The following RGS22 variants were observed in gnomAD, a reference collection of about 807,000 sequenced individuals.
RGS22 encodes the protein regulator of G-protein signaling 22.
Under a neutral mutation model 172.9 loss-of-function variants are expected in RGS22, and 148 were observed. The ratio of observed to expected loss-of-function variants is 0.86; its 90% CI spans 0.75 to 0.98. The LOEUF is 0.98. RGS22 is among the 50% of genes least tolerant of loss of function. RGS22 has a pLI of 0.00. For missense variants in RGS22, 1,347 were observed against 1,440.8 expected (o/e 0.93, Z 1.05); for synonymous variants, 458 against 480.2 (o/e 0.95, Z 0.60).
chr8:100,087,752 A>G (rs1163640400), intron 3 of RGS22, among the ~76,000 whole-genome samples: 1 of 152,194 alleles, frequency 6.6e-6, no homozygotes, highest in Non-Finnish European at 1.5e-5. Context: ...GAATGTAACA[A>G]GTCAGTTACC....
At chr8:100,057,761 C>G (rs375151876) in intron 9 of RGS22, among the ~76,000 whole-genome samples, 1 of 152,112 alleles carries the variant, frequency 6.6e-6, no homozygotes, top group Non-Finnish European at 1.5e-5. Flanking sequence ...TCAGGCATGT[C>G]TTTATTAGTA....
chr8:99,990,464 G>A (rs1813599846), intron 20 of RGS22, among the ~76,000 whole-genome samples: 1 of 152,012 alleles, frequency 6.6e-6, no homozygotes, highest in African/African-American at 2.4e-5. Context: ...CCGTGGGATG[G>A]ACAAGAACCC....
chr8:99,971,078 C>G (rs762254038), intron 23 of RGS22, among the ~76,000 whole-genome samples: 10 of 152,142 alleles, frequency 6.6e-5, no homozygotes, highest in African/African-American at 1.9e-4. Context: ...TCAACATATG[C>G]AAATCAATAA....
chr8:99,977,973 C>A lies in RGS22; in HGVS notation c.3463G>T (p.Glu1155Ter), dbSNP rs1266542309. ...AATTTTTTTTTCTGCTTATTATATT[C>A]TTGTCTTCTCTCTAAAACACTCATA... ...NIMSVLERRQ[E>*]YNKQKKKLAV... The change falls in exon 23 of 28, where the codon GAA (glutamate) becomes TAA (stop). Residue 1155 changes from glutamate to a stop codon, truncating the protein, a stop_gained. Transcript: ENST00000360863. LOFTEE classifies it high-confidence loss of function. 1.3e-6 allele frequency: 2 copies of A among 1,556,998 alleles called. No individual in the cohort carries two copies. Among genetic ancestry groups the A allele is most frequent in the Non-Finnish European group, 8.6e-7 (1 of 1,160,142 alleles).
Position 99,977,949 on chromosome 8 carries a change from A to T in RGS22, c.3487T>A (p.Leu1163Met), listed in dbSNP as rs7841915. Residue 1163 changes from leucine to methionine, a missense_variant, in exon 23 of 28, where the codon TTG (leucine) becomes ATG (methionine). Transcript: ENST00000360863. ...GATTTTTCGTCTTCTAGGACTGCCA[A>T]TTTTTTTTTCTGCTTATTATATTCT... The part of the protein sequence containing the change: ...RQEYNKQKKK[L>M]AVLEDEKSGK... 1.5e-5 allele frequency: 23 copies of T among 1,548,782 alleles called. No individual in the cohort carries two copies. The highest frequency in any genetic ancestry group is 1.7e-4 in the Middle Eastern group (1 of 5,896).
intron 14 of RGS22, among the ~76,000 whole-genome samples, chr8:100,024,979 A>C (rs945805492): frequency 5.3e-5 from 8 of 151,060 alleles, no homozygotes; most frequent in Admixed American, 4.0e-4. Flanking sequence ...GCCTTTCTGG[A>C]AACAAGAGGA....
chr8:100,039,673 G>A (rs937552117), intron 13 of RGS22, among the ~76,000 whole-genome samples: 1 of 151,958 alleles, frequency 6.6e-6, no homozygotes, highest in African/African-American at 2.4e-5. Context: ...ACCGCGCCTG[G>A]CCAATACTTT....
intron 14 of RGS22, among the ~76,000 whole-genome samples, chr8:100,010,824 T>A (rs1329304688): frequency 1.3e-5 from 2 of 150,930 alleles, no homozygotes; most frequent in African/African-American, 2.4e-5. Context: ...TTTTTTTTTT[T>A]AAAGAGATGG....
chr8:99,981,983 A>G lies in RGS22; in HGVS notation c.3314T>C (p.Ile1105Thr). The change falls in exon 22 of 28, where the codon ATT becomes ACT. Residue 1105 changes from isoleucine (I) to threonine (T), a missense_variant. Transcript: ENST00000360863. ...DIPVEQAQKI[I>T]EHRKELGPYV... ...TGGTCCTAACTCCTTCCGGTGTTCAATAATCTTCTGGGCTTGCTCTACTGG... is the reference window on the plus strand; with the variant it reads ...TGGTCCTAACTCCTTCCGGTGTTCAGTAATCTTCTGGGCTTGCTCTACTGG... The G allele has an allele frequency of 1.2e-6, 2 of 1,614,052 alleles. No homozygotes were observed. The highest frequency in any genetic ancestry group is 1.1e-5 in the South Asian group (1 of 91,074).
At position 100,036,967 on chromosome 8, in the gene RGS22, T is replaced by C. The variant is rs557415350; in HGVS notation, c.2166+1964A>G. Among the ~76,000 whole-genome samples the C allele has an allele frequency of 5.9e-5, 9 of 152,230 alleles. No homozygotes were observed. The South Asian group carries it at 1.9e-3, about 32-fold the overall frequency. ...GGCATTATCAATCCAACGATCTAAA[T>C]TGAAAATTTACCCCTGAAGAGAGTC... On this transcript the variant is annotated intron_variant, in intron 14 of 27. Coordinates refer to ENST00000360863, the MANE Select transcript of RGS22 (RefSeq NM_015668.5).
intron 2 of RGS22, among the ~76,000 whole-genome samples, chr8:100,098,948 G>A (rs967357149): frequency 3.5e-5 from 5 of 143,986 alleles, no homozygotes; most frequent in African/African-American, 1.0e-4. Flanking sequence ...ATGAAGTCTC[G>A]CTCTGTCACC....
At chr8:100,061,849 T>C (rs1727032911) in intron 9 of RGS22, among the ~76,000 whole-genome samples, 1 of 152,190 alleles carries the variant, frequency 6.6e-6, no homozygotes, top group African/African-American at 2.4e-5. Flanking sequence ...CATGCATGTG[T>C]ATGTTCATTG....
intron 21 of RGS22, among the ~76,000 whole-genome samples, chr8:99,985,927 C>T (rs892603174): frequency 3.9e-5 from 6 of 152,044 alleles, no homozygotes; most frequent in Non-Finnish European, 7.4e-5. Flanking sequence ...AAAAAATTAT[C>T]TATTGTGGAA....
In RGS22 at chr8:100,041,850, A is replaced by G; in HGVS notation, c.1890T>C (p.Cys630=). 1.2e-6 allele frequency: 2 copies of G among 1,613,388 alleles called. No individual in the cohort carries two copies. Among genetic ancestry groups the G allele is most frequent in the South Asian group, 2.2e-5 (2 of 91,064 alleles). ...ATCTTCTATCCAGCTGGGGCTTGAG[A>G]CATTCAGAAATGTCAGTAAAAGATG... is the stretch of plus-strand genomic sequence containing the variant. The part of the protein sequence containing the change: ...HLTSFTDISE[C]LKPQLDRRYA... The change falls in exon 12 of 28, where the codon TGT becomes TGC. Residue 630 remains cysteine, a synonymous_variant. Transcript: ENST00000360863.
chr8:100,090,861 T>C (rs1812523674), intron 3 of RGS22, among the ~76,000 whole-genome samples: 1 of 152,136 alleles, frequency 6.6e-6, no homozygotes, highest in Non-Finnish European at 1.5e-5. Flanking sequence ...CCAGATCATA[T>C]AGGATTCTGG....
chr8:100,013,084 G>T (rs946169979), intron 14 of RGS22, among the ~76,000 whole-genome samples: 1 of 150,366 alleles, frequency 6.7e-6, no homozygotes, highest in Non-Finnish European at 1.5e-5. Context: ...CCGCCTCTTG[G>T]GTTCATGCCA....
intron 11 of RGS22, among the ~76,000 whole-genome samples, chr8:100,043,158 T>C (rs1820322749): frequency 6.6e-6 from 1 of 152,218 alleles, no homozygotes; most frequent in Admixed American, 6.5e-5. Context: ...ATCTAAGCCA[T>C]TGCTAGTTAG....
intron 20 of RGS22, among the ~76,000 whole-genome samples, chr8:99,991,092 C>A (rs895902502): frequency 4.6e-5 from 7 of 152,148 alleles, no homozygotes; most frequent in Non-Finnish European, 1.0e-4. Context: ...GTCATCTACA[C>A]CAAAACCCCA....
chr8:99,974,860 C>A (rs1811759807), intron 23 of RGS22, among the ~76,000 whole-genome samples: 1 of 146,788 alleles, frequency 6.8e-6, no homozygotes, highest in Non-Finnish European at 1.5e-5. Flanking sequence ...TAAAAAAAGT[C>A]TTAAAGGCCT....
Sources: allele counts gnomAD v4.1 joint callset (sites outside exome capture counted in the v4.1 genomes callset), GRCh38; gene constraint gnomAD v4.1.1; transcripts MANE v1.5; gene names NCBI Gene and HGNC (gene_info 2026-07-23, HGNC 2026-07-21).